CBFA2T2: variants seen among roughly 807,000 people sequenced by gnomAD.
CBFA2T2 encodes the protein CBFA2/RUNX1 partner transcriptional co-repressor 2.
In CBFA2T2, 11 loss-of-function variants were observed where a neutral mutation model predicts 62.2. The ratio of observed to expected loss-of-function variants is 0.18; its 90% confidence interval spans 0.11 to 0.29. The LOEUF (loss-of-function observed/expected upper bound fraction) is 0.29. CBFA2T2 is among the 10% of genes least tolerant of loss of function. The pLI is 1.00. For missense variants in CBFA2T2, 592 were observed against 774.1 expected (o/e 0.76, Z 2.79); for synonymous variants, 295 against 287.5 (o/e 1.03, Z -0.27).
In CBFA2T2 at chr20:33,646,352, A is replaced by T. The variant is rs1368040925; in HGVS notation, c.*1706A>T. 6.6e-6 allele frequency: 1 copy of T among 152,188 alleles called. No homozygotes were observed. Among genetic ancestry groups the T allele is most frequent in the African/African-American group, 2.4e-5 (1 of 41,394 alleles). 9.4% of individuals were successfully genotyped at this position (152,188 alleles called of 1,614,324 possible). A position where few individuals can be genotyped will look rare whatever the true frequency, so the allele number is the denominator to read the frequency against. On this transcript the variant is annotated 3_prime_UTR_variant, in exon 11 of 11. Coordinates refer to ENST00000342704, the MANE Select transcript of CBFA2T2 (RefSeq NM_001032999.3). Reference sequence around the variant, plus strand: ...AGGACCCCGACCCCTCCTGCTCTCCATCTTTGAGCCTCTGGCATCCTCTCA... The same window carrying T: ...AGGACCCCGACCCCTCCTGCTCTCCTTCTTTGAGCCTCTGGCATCCTCTCA...
chr20:33,541,083 T>G (rs209665), intron 1 of CBFA2T2, among the ~76,000 whole-genome samples: 63,695 of 152,000 alleles, frequency 0.42, 15,283 homozygotes, highest in African/African-American at 0.66. Context: ...GGAAATCTGG[T>G]TTCTGGAACC....
chr20:33,577,894 G>T (rs1271652156), intron 1 of CBFA2T2, among the ~76,000 whole-genome samples: 1 of 152,098 alleles, frequency 6.6e-6, no homozygotes, highest in Admixed American at 6.5e-5. Context: ...TAAATATTTT[G>T]TTATTTCTAA....
At chr20:33,584,342 TGCAAGCTCCACCTCCCA>T (rs1169466307) in intron 1 of CBFA2T2, among the ~76,000 whole-genome samples, 1 of 151,070 alleles carries the variant, frequency 6.6e-6, no homozygotes, top group East Asian at 1.9e-4. Context: ...CTTGGCTCAC[TGCAAGCTCCACCTCCCA>T]GGTTCACACC....
chr20:33,533,195 G>T (rs1006968213), intron 1 of CBFA2T2, among the ~76,000 whole-genome samples: 4 of 152,088 alleles, frequency 2.6e-5, no homozygotes, highest in Non-Finnish European at 5.9e-5. Context: ...GGTTTGGCAG[G>T]TATACCTGTG....
intron 5 of CBFA2T2, chr20:33,623,647 T>G: frequency 1.6e-6 from 1 of 637,246 alleles, no homozygotes; most frequent in Non-Finnish European, 2.8e-6. Context: ...GTCTCAAACT[T>G]GTGAGCTCAA....
In CBFA2T2 at chr20:33,542,132, C is replaced by T. The variant is rs74901898; in HGVS notation, c.34+51831C>T. Among the ~76,000 whole-genome samples the T allele has an allele frequency of 2.0e-4, 31 of 152,300 alleles. 1 individual carries two copies. The East Asian group carries it at 5.8e-3, about 28-fold the overall frequency. ...GACCCCCTATTCTGATTACTTGGTT[C>T]TGATTTAGGCCTGGGAACCTACATT... On this transcript the variant is annotated intron_variant, in intron 1 of 10. Transcript: ENST00000342704.
At chr20:33,630,039 A>T in intron 8 of CBFA2T2, 125 bp downstream of exon 8, 4 of 818,400 alleles carry the variant, frequency 4.9e-6, no homozygotes, top group Non-Finnish European at 7.3e-6. Context: ...ATTTAGGGAA[A>T]CTCAGGTGAT....
At chr20:33,515,964 C>G (rs2011593321) in intron 1 of CBFA2T2, among the ~76,000 whole-genome samples, 1 of 151,928 alleles carries the variant, frequency 6.6e-6, no homozygotes, top group Non-Finnish European at 1.5e-5. Context: ...AGCAAAATAG[C>G]AAGAATGCAT....
At chr20:33,608,249 C>G (rs1293507400) in intron 2 of CBFA2T2, among the ~76,000 whole-genome samples, 9 of 152,220 alleles carry the variant, frequency 5.9e-5, no homozygotes, top group Admixed American at 5.9e-4. Context: ...CCCCAGTTCA[C>G]TTTGACACTC....
At chr20:33,546,753 C>T (rs888449714) in intron 1 of CBFA2T2, among the ~76,000 whole-genome samples, 7 of 152,044 alleles carry the variant, frequency 4.6e-5, no homozygotes, top group Non-Finnish European at 8.8e-5. Context: ...CCTCAGCTTC[C>T]TAAAGTGTTG....
At chr20:33,593,473 A>G (rs1222231273) in intron 1 of CBFA2T2, among the ~76,000 whole-genome samples, 1 of 141,174 alleles carries the variant, frequency 7.1e-6, no homozygotes, top group African/African-American at 2.7e-5. Flanking sequence ...GCTCACTGCA[A>G]CCTTCGCCTC....
At chr20:33,620,786 C>T (rs2015928959) in intron 4 of CBFA2T2, among the ~76,000 whole-genome samples, 1 of 152,198 alleles carries the variant, frequency 6.6e-6, no homozygotes, top group Non-Finnish European at 1.5e-5. Flanking sequence ...CAAGATTGTG[C>T]CACTGCACTC....
chr20:33,645,263 TAAAAC>T lies in CBFA2T2; in HGVS notation c.*621_*625del, dbSNP rs1273497876. Reference sequence around the variant, plus strand: ...AAAAGCACCCGTAGTAGCAAAAACATAAAACAAATAAAACTTCCCCCACATCACAG... The same window carrying T: ...AAAAGCACCCGTAGTAGCAAAAACATAAATAAAACTTCCCCCACATCACAG... On this transcript the variant is annotated 3_prime_UTR_variant, in exon 11 of 11. Coordinates refer to ENST00000342704, the MANE Select transcript of CBFA2T2 (RefSeq NM_001032999.3). 6.6e-6 allele frequency: 1 copy of T among 151,998 alleles called. No individual in the cohort carries two copies. Among genetic ancestry groups the T allele is most frequent in the Non-Finnish European group, 1.5e-5 (1 of 68,002 alleles). 9.4% of individuals were successfully genotyped at this position (151,998 alleles called of 1,614,324 possible).
At chr20:33,637,106 G>C (rs2016659905) in intron 9 of CBFA2T2, among the ~76,000 whole-genome samples, 1 of 152,198 alleles carries the variant, frequency 6.6e-6, no homozygotes, top group South Asian at 2.1e-4. Context: ...GCACAGCTCT[G>C]TAATCCCCCT....
chr20:33,580,693 A>T (rs894645365), intron 1 of CBFA2T2, among the ~76,000 whole-genome samples: 2 of 152,100 alleles, frequency 1.3e-5, no homozygotes, highest in Admixed American at 1.3e-4. Context: ...TCTACAAAAT[A>T]CACAAAAAAT....
rs116601560 is a variant in CBFA2T2 at position 33,620,459 on chromosome 20, T to C, written c.510+853T>C. ...GGCAGAGGAAGCAGGTGAGCTGACATTGTGCCACTGCACCCCAGCCTGGGT... is the reference window on the plus strand; with the variant it reads ...GGCAGAGGAAGCAGGTGAGCTGACACTGTGCCACTGCACCCCAGCCTGGGT... On this transcript the variant is annotated intron_variant, in intron 4 of 10. Coordinates refer to ENST00000342704, the MANE Select transcript of CBFA2T2 (RefSeq NM_001032999.3). 3.7e-3 allele frequency among the ~76,000 whole-genome samples: 560 copies of C among 152,086 alleles called. 4 individuals carry two copies. The highest frequency in any genetic ancestry group is 0.013 in the African/African-American group (537 of 41,470).
At chr20:33,546,194 G>A (rs1240864213) in intron 1 of CBFA2T2, among the ~76,000 whole-genome samples, 6 of 151,980 alleles carry the variant, frequency 3.9e-5, no homozygotes, top group Non-Finnish European at 8.8e-5. Flanking sequence ...ACTTTTTCCT[G>A]AAGATTTGCA....
intron 1 of CBFA2T2, among the ~76,000 whole-genome samples, chr20:33,567,559 C>T (rs1310306434): frequency 6.6e-6 from 1 of 151,634 alleles, no homozygotes; most frequent in African/African-American, 2.4e-5. Flanking sequence ...TCTTACTGTG[C>T]CTACTTTGTA....
At chr20:33,553,221 GT>G (rs752999856) in intron 1 of CBFA2T2, among the ~76,000 whole-genome samples, 2 of 152,078 alleles carry the variant, frequency 1.3e-5, no homozygotes, top group Non-Finnish European at 2.9e-5. Flanking sequence ...ATAAATCAGA[GT>G]TTAGTTTATG....
Sources: gnomAD v4.1 joint callset for allele counts (sites outside exome capture counted in the v4.1 genomes callset) on GRCh38, gnomAD v4.1.1 for gene constraint, MANE v1.5 for transcripts, NCBI Gene and HGNC (gene_info 2026-07-23, HGNC 2026-07-21) for gene names.